The following DPP10 variants were observed in gnomAD, a reference collection of about 807,000 sequenced individuals.
DPP10 encodes inactive dipeptidyl peptidase 10.
In DPP10, 33 loss-of-function variants were observed where a neutral mutation model predicts 120.9. The ratio of observed to expected loss-of-function variants is 0.27; its 90% CI spans 0.21 to 0.37. DPP10 has a LOEUF of 0.37. Among genes scored for constraint, DPP10 ranks in the 10% least tolerant of loss-of-function variants. DPP10 has a pLI of 1.00. For synonymous variants in DPP10, 337 were observed against 326.1 expected (o/e 1.03, Z -0.36); for missense variants, 816 against 942.8 (o/e 0.87, Z 1.76).
chr2:114,948,939 T>A (rs1238261648), intron 1 of DPP10, among the ~76,000 whole-genome samples: 1 of 151,842 alleles, frequency 6.6e-6, no homozygotes, highest in Non-Finnish European at 1.5e-5. Context: ...TGTTTTTTTT[T>A]TTTGAGAGGG....
intron 1 of DPP10, among the ~76,000 whole-genome samples, chr2:115,224,322 A>G (rs1198289645): frequency 1.3e-5 from 2 of 152,176 alleles, no homozygotes; most frequent in Non-Finnish European, 2.9e-5. Flanking sequence ...TCATATGACC[A>G]TATGGATTTT....
At chr2:115,807,793 A>G (rs112717778) in intron 19 of DPP10, among the ~76,000 whole-genome samples, 3 of 57,398 alleles carry the variant, frequency 5.2e-5, no homozygotes, top group Admixed American at 3.2e-4. Flanking sequence ...GAGATCAAGA[A>G]AAAAAAAAAC....
rs567646715 is a variant in DPP10 at position 115,538,625 on chromosome 2, A to T, written c.441+12653A>T. Among the ~76,000 whole-genome samples the T allele has an allele frequency of 1.6e-3, 240 of 152,168 alleles. 1 individual carries two copies. The highest frequency in any genetic ancestry group is 3.1e-3 in the Non-Finnish European group (208 of 67,976). On this transcript the variant is annotated intron_variant, in intron 5 of 25. Coordinates refer to ENST00000410059, the MANE Select transcript of DPP10 (RefSeq NM_020868.6). ...TGCATTTTATAAAAATCTGGCTCCC[A>T]AAATGTAGCGTGAAGGATAGTAATG...
At chr2:114,805,273 G>A (rs1021871849) in intron 1 of DPP10, among the ~76,000 whole-genome samples, 42 of 152,126 alleles carry the variant, frequency 2.8e-4, no homozygotes, top group African/African-American at 9.9e-4. Context: ...CACAAAGAAT[G>A]TACATTTAGT....
At chr2:114,856,501 C>T (rs1037521814) in intron 1 of DPP10, among the ~76,000 whole-genome samples, 4 of 151,984 alleles carry the variant, frequency 2.6e-5, no homozygotes, top group Non-Finnish European at 4.4e-5. Context: ...AGAAATATTC[C>T]AAATGTTCAT....
At chr2:115,832,984 G>A (rs1689090762) in intron 21 of DPP10, among the ~76,000 whole-genome samples, 1 of 152,112 alleles carries the variant, frequency 6.6e-6, no homozygotes, top group African/African-American at 2.4e-5. Flanking sequence ...CCCACCCCAG[G>A]TCTACTGAAT....
intron 3 of DPP10, among the ~76,000 whole-genome samples, chr2:115,396,751 G>C (rs941684562): frequency 3.9e-5 from 6 of 152,178 alleles, no homozygotes; most frequent in African/African-American, 1.4e-4. Context: ...CGTTGCTGCA[G>C]TCAATCATCC....
intron 5 of DPP10, among the ~76,000 whole-genome samples, chr2:115,584,461 A>G (rs1259021243): frequency 1.3e-5 from 2 of 152,226 alleles, no homozygotes; most frequent in East Asian, 3.9e-4. Context: ...GTTGGGAAGA[A>G]GGGAAAAATG....
At chr2:114,490,290 G>T (rs1186608048) in intron 1 of DPP10, among the ~76,000 whole-genome samples, 1 of 152,122 alleles carries the variant, frequency 6.6e-6, no homozygotes, top group Non-Finnish European at 1.5e-5. Flanking sequence ...ATTGGTGGTT[G>T]GCTCTGCCCC....
intron 21 of DPP10, among the ~76,000 whole-genome samples, chr2:115,827,182 T>C (rs1688398809): frequency 6.6e-6 from 1 of 151,648 alleles, no homozygotes; most frequent in East Asian, 1.9e-4. Context: ...GCTTATAATG[T>C]ATATTTTTAA....
At chr2:115,702,258 A>G (rs1347231053) in intron 7 of DPP10, among the ~76,000 whole-genome samples, 1 of 152,024 alleles carries the variant, frequency 6.6e-6, no homozygotes, top group Non-Finnish European at 1.5e-5. Flanking sequence ...GTGGGCATTT[A>G]AAATGGTACA....
chr2:114,555,913 GT>G (rs1191218807), intron 1 of DPP10, among the ~76,000 whole-genome samples: 1 of 152,104 alleles, frequency 6.6e-6, no homozygotes, highest in Non-Finnish European at 1.5e-5. Flanking sequence ...AACATCCTAT[GT>G]GATGGAACAC....
intron 1 of DPP10, among the ~76,000 whole-genome samples, chr2:114,522,327 A>C (rs1264281411): frequency 6.6e-6 from 1 of 152,130 alleles, no homozygotes; most frequent in Non-Finnish European, 1.5e-5. Context: ...TTCAATGTAA[A>C]GGCTATATAC....
chr2:115,534,694 C>G (rs1031922468), intron 5 of DPP10, among the ~76,000 whole-genome samples: 1 of 150,302 alleles, frequency 6.7e-6, no homozygotes, highest in African/African-American at 2.5e-5. Context: ...ACACTGAGTT[C>G]CACAATGGTT....
At chr2:115,549,102 T>C (rs1295205194) in intron 5 of DPP10, among the ~76,000 whole-genome samples, 1 of 152,182 alleles carries the variant, frequency 6.6e-6, no homozygotes. Context: ...CCAGAAGCCA[T>C]GTCTCTATTA....
chr2:115,615,565 T>C (rs1482342275), intron 5 of DPP10, among the ~76,000 whole-genome samples: 1 of 152,144 alleles, frequency 6.6e-6, no homozygotes, highest in Non-Finnish European at 1.5e-5. Flanking sequence ...AGAATCATTT[T>C]TATTAAGAAA....
At chr2:114,999,516 C>G (rs1282028446) in intron 1 of DPP10, among the ~76,000 whole-genome samples, 2 of 152,178 alleles carry the variant, frequency 1.3e-5, no homozygotes, top group Non-Finnish European at 2.9e-5. Context: ...AGATTGGCCC[C>G]GAGTACCTTT....
At chr2:114,642,276 A>G (rs1179247947) in intron 1 of DPP10, among the ~76,000 whole-genome samples, 1 of 151,946 alleles carries the variant, frequency 6.6e-6, no homozygotes, top group African/African-American at 2.4e-5. Flanking sequence ...AAGCCTATGT[A>G]GGTCTTATCC....
chr2:114,568,905 G>A lies in DPP10; in HGVS notation c.60+126067G>A, dbSNP rs144635852. On this transcript the variant is annotated intron_variant, in intron 1 of 25. Transcript: ENST00000410059. ...TATTTCTTGTTTTTGTAGCAGTCCA[G>A]AACAAAGCTACAATTTATTATTTAA... is the stretch of plus-strand genomic sequence containing the variant. Among the ~76,000 whole-genome samples, 961 of 152,148 alleles carry A rather than the reference G, an allele frequency of 6.3e-3. 10 individuals are homozygous for A. Among genetic ancestry groups the A allele is most frequent in the African/African-American group, 0.022 (932 of 41,516 alleles).
Sources: allele counts gnomAD v4.1 joint callset (sites outside exome capture counted in the v4.1 genomes callset), GRCh38; gene constraint gnomAD v4.1.1; transcripts MANE v1.5; gene names NCBI Gene and HGNC (gene_info 2026-07-23, HGNC 2026-07-21).